The following SMOC1 variants were observed in gnomAD, a reference collection of about 807,000 sequenced individuals.
The protein encoded by SMOC1 is SPARC related modular calcium binding 1.
In SMOC1, 22 loss-of-function variants were observed where a neutral mutation model predicts 56.3. The ratio of observed to expected loss-of-function variants is 0.39; its 90% CI spans 0.28 to 0.56. The LOEUF (loss-of-function observed/expected upper bound fraction) is 0.56. SMOC1 is among the 20% of genes least tolerant of loss of function. The probability of loss-of-function intolerance (pLI) is 0.61; values close to 1 mark genes in which losing one functional copy is unlikely to be tolerated. For missense variants in SMOC1, 509 were observed against 565.4 expected, an observed-to-expected ratio of 0.90 and a Z score of 1.01; for synonymous variants, 193 against 215.0, an observed-to-expected ratio of 0.90 and a Z score of 0.89.
chr14:69,941,595 C>A (rs11621903), intron 1 of SMOC1, among the ~76,000 whole-genome samples: 3,130 of 152,270 alleles, frequency 0.021, 45 homozygotes, highest in Non-Finnish European at 0.026. Flanking sequence ...ATTTCCAAAG[C>A]TCGGATCTGA....
At chr14:69,969,200 C>T (rs1451844575) in intron 3 of SMOC1, among the ~76,000 whole-genome samples, 1 of 152,182 alleles carries the variant, frequency 6.6e-6, no homozygotes, top group South Asian at 2.1e-4. Context: ...GAACACTTGT[C>T]CTGTCCAATG....
intron 1 of SMOC1, among the ~76,000 whole-genome samples, chr14:69,890,430 G>C (rs1248978887): frequency 6.6e-6 from 1 of 152,206 alleles, no homozygotes; most frequent in Non-Finnish European, 1.5e-5. Flanking sequence ...TGCTGTTGGT[G>C]GTGGTGATCA....
At chr14:69,908,127 A>G (rs1021444086) in intron 1 of SMOC1, among the ~76,000 whole-genome samples, 2 of 152,204 alleles carry the variant, frequency 1.3e-5, no homozygotes, top group African/African-American at 2.4e-5. Context: ...TAAGTTCACA[A>G]TGGATTCAGT....
intron 7 of SMOC1, among the ~76,000 whole-genome samples, chr14:70,008,170 G>A (rs1296698574): frequency 6.6e-6 from 1 of 151,404 alleles, no homozygotes; most frequent in East Asian, 1.9e-4. Context: ...TACTCTGTGG[G>A]CCAGGCTGTA....
intron 1 of SMOC1, among the ~76,000 whole-genome samples, chr14:69,900,852 CACA>C (rs1339088248): frequency 6.6e-6 from 1 of 152,248 alleles, no homozygotes; most frequent in Non-Finnish European, 1.5e-5. Context: ...GGCCACATGC[CACA>C]ATGGCCTGGT....
chr14:70,004,567 A>G (rs963609453), intron 7 of SMOC1, among the ~76,000 whole-genome samples: 1 of 152,226 alleles, frequency 6.6e-6, no homozygotes, highest in Non-Finnish European at 1.5e-5. Flanking sequence ...GACCTGACCT[A>G]TTGATATTGG....
chr14:70,005,130 A>C (rs80093735), intron 7 of SMOC1, among the ~76,000 whole-genome samples: 4,651 of 152,370 alleles, frequency 0.031, 126 homozygotes, highest in Middle Eastern at 0.14. Context: ...CTGAAACTCA[A>C]ATCTTGTAAT....
rs949190906 is a variant in SMOC1, at chr14:70,030,302, G to C, written c.*44G>C. On this transcript the variant is annotated 3_prime_UTR_variant, in exon 12 of 12. Coordinates refer to ENST00000361956, the MANE Select transcript of SMOC1 (RefSeq NM_001034852.3). ...GCAGGTGGAGAGTCCAGGGAGGCAG[G>C]ATGGATCACCAGACACCTAACCTTC... 6.8e-6 allele frequency: 11 copies of C among 1,612,934 alleles called. No homozygotes were observed. The highest frequency in any genetic ancestry group is 9.3e-6 in the Non-Finnish European group (11 of 1,179,610).
At chr14:69,883,329 C>A (rs1297374575) in intron 1 of SMOC1, among the ~76,000 whole-genome samples, 2 of 152,268 alleles carry the variant, frequency 1.3e-5, no homozygotes, top group African/African-American at 2.4e-5. Context: ...GTTCTACTTT[C>A]TACTTCTATG....
chr14:69,924,906 G>GT (rs572814134), intron 1 of SMOC1, among the ~76,000 whole-genome samples: 5 of 24,062 alleles, frequency 2.1e-4, no homozygotes, highest in South Asian at 1.9e-3. Flanking sequence ...GGTAGGGGAG[G>GT]AGGAGAGGTA....
In SMOC1 at chr14:69,952,214, A is replaced by G; in HGVS notation, c.176A>G (p.Asp59Gly). ...CAACCCAAACCCATCTGTGCCTCTG[A>G]TGGCAGGTCCTACGAGTCCATGTGT... ...RTQPKPICAS[D>G]GRSYESMCEY... The change falls in exon 2 of 12, where the codon GAT becomes GGT. Residue 59 changes from aspartate (D) to glycine (G), a missense_variant. Around this residue, in one of 3 missense-constraint regions of SMOC1, gnomAD observed 315 missense variants for 333.1 expected, o/e 0.95. Coordinates refer to ENST00000361956, the MANE Select transcript of SMOC1 (RefSeq NM_001034852.3). 6.2e-7 allele frequency: 1 copy of G among 1,614,118 alleles called. No individual in the cohort carries two copies. The highest frequency in any genetic ancestry group is 8.5e-7 in the Non-Finnish European group (1 of 1,179,998).
At chr14:69,969,113 G>A (rs189437979) in intron 3 of SMOC1, among the ~76,000 whole-genome samples, 1 of 152,212 alleles carries the variant, frequency 6.6e-6, no homozygotes, top group East Asian at 1.9e-4. Flanking sequence ...AAGTAGGATG[G>A]GACAAAGTGA....
At chr14:69,914,936 G>A (rs1448054303) in intron 1 of SMOC1, among the ~76,000 whole-genome samples, 1 of 151,664 alleles carries the variant, frequency 6.6e-6, no homozygotes, top group Non-Finnish European at 1.5e-5. Flanking sequence ...GCATGATCTT[G>A]GCTCGCTGCA....
intron 1 of SMOC1, among the ~76,000 whole-genome samples, chr14:69,916,190 C>T (rs548247819): frequency 3.9e-5 from 6 of 152,196 alleles, no homozygotes; most frequent in South Asian, 2.1e-4. Flanking sequence ...TTTAGAGGTG[C>T]GACGAAACCT....
chr14:70,029,735 C>T (rs983039694), intron 11 of SMOC1, among the ~76,000 whole-genome samples: 1 of 152,138 alleles, frequency 6.6e-6, no homozygotes, highest in South Asian at 2.1e-4. Context: ...AGTAAGTTGC[C>T]CCTTTCTGGG....
chr14:70,012,219 A>G (rs189484852), intron 9 of SMOC1, among the ~76,000 whole-genome samples: 1 of 151,782 alleles, frequency 6.6e-6, no homozygotes, highest in Admixed American at 6.5e-5. Flanking sequence ...AACTGAAAGC[A>G]GAGAGTTCTA....
Position 70,010,957 on chromosome 14 carries a change from C to A in SMOC1, c.857+11C>A, listed in dbSNP as rs754612972. The A allele has an allele frequency of 8.1e-6, 13 of 1,611,928 alleles. No homozygotes were observed. The highest frequency in any genetic ancestry group is 2.2e-4 in the Middle Eastern group (1 of 4,550). On this transcript the variant is annotated intron_variant, in intron 8 of 11. Transcript: ENST00000361956. The stretch of plus-strand genomic sequence containing the variant: ...TGGGACCTCCACACGGTAAGCCCCC[C>A]AGACTGGGTCCTGGGAAAAACGCAC...
chr14:69,980,343 G>A (rs1884133257), intron 5 of SMOC1, among the ~76,000 whole-genome samples: 1 of 152,216 alleles, frequency 6.6e-6, no homozygotes, highest in Non-Finnish European at 1.5e-5. Context: ...TGGCTCTGCA[G>A]AGGCTTCCTC....
intron 7 of SMOC1, among the ~76,000 whole-genome samples, chr14:70,009,882 AC>A (rs1310899030): frequency 6.6e-6 from 1 of 152,190 alleles, no homozygotes; most frequent in Non-Finnish European, 1.5e-5. Context: ...TAGAACAAAA[AC>A]AAAACCAGAA....
Sources: allele counts gnomAD v4.1 joint callset (sites outside exome capture counted in the v4.1 genomes callset), GRCh38; gene constraint gnomAD v4.1.1; regional missense constraint gnomAD v4.1.1; transcripts MANE v1.5; gene names NCBI Gene and HGNC (gene_info 2026-07-23, HGNC 2026-07-21).